The following PIAS1 variants were observed in gnomAD, a reference collection of about 807,000 sequenced individuals.
The protein encoded by PIAS1 is E3 SUMO-protein ligase PIAS1.
A neutral mutation model predicts 71.3 loss-of-function variants in PIAS1; 6 were observed. The ratio of observed to expected loss-of-function variants is 0.08; its 90% CI spans 0.05 to 0.17. The LOEUF (loss-of-function observed/expected upper bound fraction) is 0.17. PIAS1 is among the 10% of genes least tolerant of loss of function. The probability of loss-of-function intolerance (pLI) is 1.00; values close to 1 mark genes in which losing one functional copy is unlikely to be tolerated. For synonymous variants in PIAS1, 303 were observed against 292.9 expected, an observed-to-expected ratio of 1.03 and a Z score of -0.35; for missense variants, 555 against 793.6, an observed-to-expected ratio of 0.70 and a Z score of 3.61.
rs577481712 is a variant in PIAS1 at position 68,185,004 on chromosome 15, A to C, written c.1662+1337A>C. The C allele has an allele frequency of 2.0e-5, 3 of 153,408 alleles. No individual in the cohort carries two copies. In the South Asian group the frequency reaches 6.2e-4, roughly 32 times the overall value. 9.5% of individuals were successfully genotyped at this position (153,408 alleles called of 1,614,324 possible). A position where few individuals can be genotyped will look rare whatever the true frequency, so the allele number is the denominator to read the frequency against. ...CCGAATTGCTGTGCCAGCAAAATGG[A>C]GAAGTACTGTTGAGAGAGTAACATA... On this transcript the variant is annotated intron_variant, in intron 13 of 13. Coordinates refer to ENST00000249636, the MANE Select transcript of PIAS1 (RefSeq NM_016166.3). The surrounding 1 kb of genome is among the most constrained non-coding windows in gnomAD (Gnocchi z 4.4).
rs1348683680 is a variant in PIAS1, at chr15:68,156,725, AAAAG to A, written c.934+3032_934+3035del. ...CACTGTCTTTAAAAAAAAAAAAAAA[AAAAG>A]AGAGAGAGAGAGAGAGCGCCAAGAA... On this transcript the variant is annotated intron_variant, in intron 7 of 13. Transcript: ENST00000249636. Among the ~76,000 whole-genome samples, 58 of 150,494 alleles carry A rather than the reference AAAAG, an allele frequency of 3.9e-4. 1 individual carries two copies. The highest frequency in any genetic ancestry group is 2.5e-3 in the Admixed American group (37 of 15,074).
chr15:68,188,025 A>T lies in PIAS1; in HGVS notation c.*190A>T, dbSNP rs2093099427. ...ACTATATTTTCAGTTTTACTTTTGTATATAAATCTAAGACTGCCTGTGTGA... is the reference window on the plus strand; with the variant it reads ...ACTATATTTTCAGTTTTACTTTTGTTTATAAATCTAAGACTGCCTGTGTGA... On this transcript the variant is annotated 3_prime_UTR_variant, in exon 14 of 14. Coordinates refer to ENST00000249636, the MANE Select transcript of PIAS1 (RefSeq NM_016166.3). The T allele has an allele frequency of 2.1e-6, 1 of 475,682 alleles. No individual in the cohort carries two copies. 29.5% of individuals were successfully genotyped at this position (475,682 alleles called of 1,614,324 possible).
In PIAS1 at chr15:68,192,085, C is replaced by T. The variant is rs1458576675; in HGVS notation, c.*4250C>T. 2.0e-5 allele frequency: 3 copies of T among 152,204 alleles called. No individual in the cohort carries two copies. Among genetic ancestry groups the T allele is most frequent in the African/African-American group, 7.2e-5 (3 of 41,446 alleles). The allele number at this position is 152,204 out of a possible 1,614,324, so 9.4% of individuals were successfully genotyped here. A position where few individuals can be genotyped will look rare whatever the true frequency, so the allele number is the denominator to read the frequency against. ...GGAAAGTACCCTCATTTATTATATC[C>T]AGAACTTGCTCTTCCTGTGCCATCT... is the stretch of plus-strand genomic sequence containing the variant. On this transcript the variant is annotated 3_prime_UTR_variant, in exon 14 of 14. Coordinates refer to ENST00000249636, the MANE Select transcript of PIAS1 (RefSeq NM_016166.3).
chr15:68,115,984 T>C (rs752045599), intron 2 of PIAS1, among the ~76,000 whole-genome samples: 1 of 152,118 alleles, frequency 6.6e-6, no homozygotes, highest in Non-Finnish European at 1.5e-5. Flanking sequence ...AAATGGTTGG[T>C]AATTTTTTGT....
chr15:68,054,433 G>C lies in PIAS1; in HGVS notation c.24+83G>C. Reference sequence around the variant, plus strand: ...GCCAGGGGGGATGGGTCCGACCCTGGGGGGCCTCTCGGGCCTGACTCCACC... The same window carrying C: ...GCCAGGGGGGATGGGTCCGACCCTGCGGGGCCTCTCGGGCCTGACTCCACC... On this transcript the variant is annotated intron_variant, in intron 1 of 13. Transcript: ENST00000249636. This position sits in a 1 kb window ranked among gnomAD's most constrained non-coding sequence, Gnocchi z 4.6. The C allele has an allele frequency of 1.4e-6, 2 of 1,448,322 alleles. No homozygotes were observed. Among genetic ancestry groups the C allele is most frequent in the Non-Finnish European group, 1.9e-6 (2 of 1,057,400 alleles). The allele number at this position is 1,448,322 out of a possible 1,614,324, so 89.7% of individuals were successfully genotyped here. A position where few individuals can be genotyped will look rare whatever the true frequency, so the allele number is the denominator to read the frequency against.
intron 7 of PIAS1, 131 bp downstream of exon 7, chr15:68,153,826 G>T (rs755692370): frequency 1.8e-6 from 1 of 552,762 alleles, no homozygotes; most frequent in East Asian, 3.0e-5. Flanking sequence ...GAGTAGTTCT[G>T]ATATCTTTGT....
At chr15:68,169,124 A>C (rs941604177) in intron 8 of PIAS1, among the ~76,000 whole-genome samples, 1 of 152,166 alleles carries the variant, frequency 6.6e-6, no homozygotes, top group Admixed American at 6.5e-5. Flanking sequence ...ATTTCTCTAG[A>C]ATTTTTAGTC....
chr15:68,063,403 A>G (rs935559325), intron 1 of PIAS1, among the ~76,000 whole-genome samples: 4 of 152,168 alleles, frequency 2.6e-5, no homozygotes, highest in Non-Finnish European at 4.4e-5. Flanking sequence ...ATTCTGGTCT[A>G]TGGGCTTCTG....
In PIAS1 at chr15:68,095,811, G is replaced by A. The variant is rs541164328; in HGVS notation, c.469+9061G>A. Among the ~76,000 whole-genome samples the A allele has an allele frequency of 3.3e-5, 5 of 152,278 alleles. No individual in the cohort carries two copies. The South Asian group carries it at 8.3e-4, about 25-fold the overall frequency. ...CTCCCAAAGTGCTGGGATTACAAGC[G>A]TGAGCCACCACGCCTGGCCCATTCT... is the stretch of plus-strand genomic sequence containing the variant. On this transcript the variant is annotated intron_variant, in intron 2 of 13. Transcript: ENST00000249636.
chr15:68,109,639 C>G (rs1446123543), intron 2 of PIAS1, among the ~76,000 whole-genome samples: 1 of 152,122 alleles, frequency 6.6e-6, no homozygotes. Context: ...AATCTTTGTC[C>G]TAGCATTCCC....
chr15:68,141,903 C>T (rs778926882), intron 2 of PIAS1, 43 bp from the exon 3 acceptor site: 68 of 1,265,346 alleles, frequency 5.4e-5, no homozygotes, highest in Non-Finnish European at 7.4e-5. Flanking sequence ...TCTTTACTGG[C>T]GAATTTAAAG....
intron 2 of PIAS1, among the ~76,000 whole-genome samples, chr15:68,122,932 T>C (rs115727066): frequency 0.01 from 1,535 of 152,080 alleles, 25 homozygotes; most frequent in African/African-American, 0.034. Context: ...TTTATTTTCT[T>C]TCTTGGGAAG....
chr15:68,155,432 T>C lies in PIAS1; in HGVS notation c.934+1737T>C, dbSNP rs79520426. ...TACTAAAAAACAGGTTATCTACCTT[T>C]ACCTGTATGCTGCCTGTAAAAAAAA... On this transcript the variant is annotated intron_variant, in intron 7 of 13. Transcript: ENST00000249636. Among the ~76,000 whole-genome samples the C allele has an allele frequency of 3.8e-3, 529 of 139,532 alleles. 2 individuals are homozygous for C. The highest frequency in any genetic ancestry group is 5.3e-3 in the Non-Finnish European group (350 of 66,464). The allele number at this position is 139,532 out of a possible 152,430, so 91.5% of individuals were successfully genotyped here.
chr15:68,113,688 A>G (rs1324221658), intron 2 of PIAS1, among the ~76,000 whole-genome samples: 1 of 152,178 alleles, frequency 6.6e-6, no homozygotes, highest in African/African-American at 2.4e-5. Context: ...TAACTAGGAT[A>G]GGTAGAGTTA....
At chr15:68,055,667 C>T in intron 1 of PIAS1, 1 of 388,026 alleles carries the variant, frequency 2.6e-6, no homozygotes, top group South Asian at 7.3e-5. Flanking sequence ...ATGTCTCGAC[C>T]CAGAGAACTG....
chr15:68,174,268 A>G lies in PIAS1; in HGVS notation c.1169+376A>G, dbSNP rs1478124556. On this transcript the variant is annotated intron_variant, in intron 9 of 13. Transcript: ENST00000249636. This position sits in a 1 kb window ranked among gnomAD's most constrained non-coding sequence, Gnocchi z 4.0. ...GGGAAATTTGGGTTAACTCAGGTTC[A>G]TCCAAAATTGGGCTTTTCAATAGAA... Among the ~76,000 whole-genome samples the G allele has an allele frequency of 6.6e-6, 1 of 152,200 alleles. No homozygotes were observed. The highest frequency in any genetic ancestry group is 2.4e-5 in the African/African-American group (1 of 41,456).
At position 68,188,064 on chromosome 15, in the gene PIAS1, T is replaced by TAAA; in HGVS notation, c.*238_*240dup. On this transcript the variant is annotated 3_prime_UTR_variant, in exon 14 of 14. Transcript: ENST00000249636. ...CTGCCTGTGTGATAAAACACTTGTT[T>TAAA]AAAAAAAAAAAGGAAAGAAAAGAAA... 1 of 272,884 alleles carries TAAA rather than the reference T, an allele frequency of 3.7e-6. No individual in the cohort carries two copies. Among genetic ancestry groups the TAAA allele is most frequent in the Non-Finnish European group, 6.7e-6 (1 of 148,744 alleles). 16.9% of individuals were successfully genotyped at this position (272,884 alleles called of 1,614,324 possible).
intron 2 of PIAS1, among the ~76,000 whole-genome samples, chr15:68,095,815 G>A (rs2092370147): frequency 6.6e-6 from 1 of 152,144 alleles, no homozygotes; most frequent in Non-Finnish European, 1.5e-5. Context: ...ACAAGCGTGA[G>A]CCACCACGCC....
chr15:68,175,349 C>T (rs559094522), intron 9 of PIAS1, among the ~76,000 whole-genome samples: 198 of 152,246 alleles, frequency 1.3e-3, no homozygotes, highest in Non-Finnish European at 2.0e-3. Flanking sequence ...GAAGGTATCA[C>T]CCAGAGGTAA....
Sources: gnomAD v4.1 joint callset for allele counts (sites outside exome capture counted in the v4.1 genomes callset) on GRCh38, gnomAD v4.1.1 for gene constraint, Gnocchi (gnomAD v3.1) non-coding constraint, MANE v1.5 for transcripts, NCBI Gene and HGNC (gene_info 2026-07-23, HGNC 2026-07-21) for gene names.